Variants in ZZEF1 observed in about 807,000 individuals in gnomAD.
The protein encoded by ZZEF1 is zinc finger ZZ-type and EF-hand domain containing 1.
A neutral mutation model predicts 342.8 loss-of-function variants in ZZEF1; 157 were observed. The ratio of observed to expected loss-of-function variants is 0.46; its 90% confidence interval spans 0.40 to 0.52. ZZEF1 has a LOEUF of 0.52. ZZEF1 is among the 20% of genes least tolerant of loss of function. The probability of loss-of-function intolerance (pLI) is 0.00; values close to 1 mark genes in which losing one functional copy is unlikely to be tolerated. For missense variants in ZZEF1, 3,480 were observed against 3,725.6 expected, an observed-to-expected ratio of 0.93 and a Z score of 1.72; for synonymous variants, 1,505 against 1,429.1, an observed-to-expected ratio of 1.05 and a Z score of -1.20.
At chr17:4,063,728 ATT>A (rs549620718) in intron 29 of ZZEF1, among the ~76,000 whole-genome samples, 5 of 130,726 alleles carry the variant, frequency 3.8e-5, no homozygotes, top group Non-Finnish European at 3.2e-5. Context: ...CACTCAGGTC[ATT>A]TTTTTTTTTT....
chr17:4,054,783 TG>T (rs2145182607), intron 33 of ZZEF1, among the ~76,000 whole-genome samples: 1 of 152,200 alleles, frequency 6.6e-6, no homozygotes, highest in African/African-American at 2.4e-5. Flanking sequence ...GAGGAAAGAA[TG>T]GATCAAAGGG....
intron 15 of ZZEF1, among the ~76,000 whole-genome samples, 198 bp downstream of exon 15, chr17:4,086,272 CGTTTCCCACAGCGGCA>C (rs1488906051): frequency 4.0e-5 from 6 of 150,564 alleles, no homozygotes; most frequent in South Asian, 2.1e-4. Context: ...GGGAAACACT[CGTTTCCCACAGCGGCA>C]ATCCCTTTCT....
At chr17:4,118,938 T>C (rs1250076161) in intron 2 of ZZEF1, among the ~76,000 whole-genome samples, 1 of 152,216 alleles carries the variant, frequency 6.6e-6, no homozygotes, top group Non-Finnish European at 1.5e-5. Context: ...CAGTGTCATG[T>C]ACCAGTGTGA....
intron 39 of ZZEF1, 80 bp from the exon 40 acceptor site, chr17:4,034,372 C>G (rs2056616314): frequency 6.8e-7 from 1 of 1,472,188 alleles, no homozygotes; most frequent in African/African-American, 1.4e-5. Flanking sequence ...TCCCTCCTAC[C>G]TTATTTACAG....
At chr17:4,107,371 G>A (rs1462769862) in intron 6 of ZZEF1, among the ~76,000 whole-genome samples, 1 of 152,078 alleles carries the variant, frequency 6.6e-6, no homozygotes, top group African/African-American at 2.4e-5. Flanking sequence ...GGACTGTGCA[G>A]TGCAGACATT....
At chr17:4,142,269 G>A (rs1370196028) in intron 1 of ZZEF1, among the ~76,000 whole-genome samples, 2 of 152,202 alleles carry the variant, frequency 1.3e-5, no homozygotes, top group Non-Finnish European at 2.9e-5. Flanking sequence ...GATCTCCAGA[G>A]TAGCGTCAAT....
intron 18 of ZZEF1, among the ~76,000 whole-genome samples, chr17:4,079,640 T>C (rs2145321617): frequency 6.6e-6 from 1 of 152,268 alleles, no homozygotes; most frequent in Middle Eastern, 3.4e-3. Flanking sequence ...AACGTTACCC[T>C]AGATCTAAAT....
intron 16 of ZZEF1, among the ~76,000 whole-genome samples, chr17:4,083,931 A>C (rs2057772049): frequency 6.6e-6 from 1 of 152,162 alleles, no homozygotes; most frequent in Non-Finnish European, 1.5e-5. Context: ...AATTCTTTTA[A>C]ATAATTCTAT....
At chr17:4,044,730 G>C (rs2056875946) in intron 37 of ZZEF1, among the ~76,000 whole-genome samples, 2 of 151,860 alleles carry the variant, frequency 1.3e-5, no homozygotes, top group African/African-American at 4.8e-5. Flanking sequence ...TGTTGGCCAG[G>C]ATGGTTTCGA....
chr17:4,100,692 G>T (rs140211755), intron 9 of ZZEF1, among the ~76,000 whole-genome samples: 1 of 152,072 alleles, frequency 6.6e-6, no homozygotes, highest in Admixed American at 6.6e-5. Context: ...GAAATTAGCC[G>T]GGCGTGGTGG....
At chr17:4,018,017 C>T (rs2056159934) in intron 46 of ZZEF1, 46 bp from the exon 47 acceptor site, 1 of 1,600,920 alleles carries the variant, frequency 6.2e-7, no homozygotes, top group African/African-American at 1.3e-5. Flanking sequence ...TGTAGACAGG[C>T]CAGTTTTAAC....
In ZZEF1 at chr17:4,024,932, T is replaced by C; in HGVS notation, c.7079A>G (p.Tyr2360Cys). 1 of 1,614,240 alleles carries C rather than the reference T, an allele frequency of 6.2e-7. No homozygotes were observed. The highest frequency in any genetic ancestry group is 1.1e-5 in the South Asian group (1 of 91,086). ...GCTCCCCATTACCTTTAGTGTTTTATACAATCCTTTCAGGGCCAGGGACAG... is the reference window on the plus strand; with the variant it reads ...GCTCCCCATTACCTTTAGTGTTTTACACAATCCTTTCAGGGCCAGGGACAG... ...WVLSLALKGL[Y>C]KTLKAHGFEE... The change falls in exon 43 of 55, where the codon TAT becomes TGT. Residue 2360 changes from tyrosine to cysteine, a missense_variant. By Grantham distance (194) the Tyr-to-Cys change is radical. Transcript: ENST00000381638.
intron 33 of ZZEF1, among the ~76,000 whole-genome samples, chr17:4,055,514 T>C (rs2057138514): frequency 6.6e-6 from 1 of 152,188 alleles, no homozygotes; most frequent in South Asian, 2.1e-4. Flanking sequence ...TCTCTATACA[T>C]AACGGCTGCT....
intron 18 of ZZEF1, among the ~76,000 whole-genome samples, chr17:4,079,700 A>G (rs1209426240): frequency 6.6e-6 from 1 of 152,234 alleles, no homozygotes; most frequent in Admixed American, 6.5e-5. Flanking sequence ...TTGGCAAATG[A>G]TAACCTAGGC....
chr17:4,046,486 A>G (rs1443385126), intron 37 of ZZEF1, among the ~76,000 whole-genome samples: 2 of 152,224 alleles, frequency 1.3e-5, no homozygotes, highest in African/African-American at 4.8e-5. Flanking sequence ...TTTGGGGCCA[A>G]AGGTGGAGTG....
At chr17:4,066,745 T>C (rs908336092) in intron 27 of ZZEF1, among the ~76,000 whole-genome samples, 12 of 152,114 alleles carry the variant, frequency 7.9e-5, no homozygotes, top group African/African-American at 2.7e-4. Context: ...CTAAAGCCTA[T>C]CTAGTACTGA....
intron 33 of ZZEF1, among the ~76,000 whole-genome samples, chr17:4,054,882 C>T (rs867359437): frequency 6.6e-6 from 1 of 151,982 alleles, no homozygotes; most frequent in African/African-American, 2.4e-5. Flanking sequence ...GAGTAGTAGG[C>T]GGGATGGTGA....
intron 1 of ZZEF1, among the ~76,000 whole-genome samples, chr17:4,139,577 T>C (rs2058809269): frequency 6.6e-6 from 1 of 152,214 alleles, no homozygotes; most frequent in Admixed American, 6.5e-5. Context: ...TATATACTTA[T>C]TCAAGTCTAA....
chr17:4,051,968 T>C lies in ZZEF1; in HGVS notation c.5600+3A>G, dbSNP rs1347811140. 26 of 1,613,114 alleles carry C rather than the reference T, an allele frequency of 1.6e-5. No homozygotes were observed. Among genetic ancestry groups the C allele is most frequent in the South Asian group, 2.2e-5 (2 of 90,980 alleles). ...TTGGTGGCGACGGTCACTTGAGACA[T>C]ACCCGTAGGAGTATTTCTTCGCTGC... is the stretch of plus-strand genomic sequence containing the variant. On this transcript the variant is annotated splice_donor_region_variant and intron_variant, in intron 35 of 54. Coordinates refer to ENST00000381638, the MANE Select transcript of ZZEF1 (RefSeq NM_015113.4).
Sources: allele counts gnomAD v4.1 joint callset (sites outside exome capture counted in the v4.1 genomes callset), GRCh38; gene constraint gnomAD v4.1.1; transcripts MANE v1.5; gene names NCBI Gene and HGNC (gene_info 2026-07-23, HGNC 2026-07-21).